FHIT: variants seen among roughly 807,000 people sequenced by gnomAD.
FHIT encodes the protein bis(5'-adenosyl)-triphosphatase.
A neutral mutation model predicts 17.9 loss-of-function variants in FHIT; 19 were observed. The ratio of observed to expected loss-of-function variants is 1.06; its 90% CI spans 0.74 to 1.56. The LOEUF (loss-of-function observed/expected upper bound fraction) is 1.56. FHIT is among the 40% of genes most tolerant of loss of function. The pLI is 0.00. For missense variants in FHIT, 248 were observed against 189.2 expected (o/e 1.31, Z -1.82); for synonymous variants, 81 against 69.7 (o/e 1.16, Z -0.81).
chr3:60,269,189 A>G (rs1333981856), intron 5 of FHIT, among the ~76,000 whole-genome samples: 1 of 152,226 alleles, frequency 6.6e-6, no homozygotes, highest in African/African-American at 2.4e-5. Flanking sequence ...TGATTAATTT[A>G]AAACTTTCAA....
At chr3:60,384,276 A>AAG (rs1473600919) in intron 5 of FHIT, among the ~76,000 whole-genome samples, 1 of 152,032 alleles carries the variant, frequency 6.6e-6, no homozygotes, top group Non-Finnish European at 1.5e-5. Context: ...TAAAAAAAAA[A>AAG]AAAAAAATTG....
intron 3 of FHIT, among the ~76,000 whole-genome samples, chr3:61,014,807 A>AAAAAAATTAT (rs1553798839): frequency 2.0e-5 from 1 of 49,102 alleles, no homozygotes; most frequent in African/African-American, 5.4e-5. Flanking sequence ...AAAAAAAAAA[A>AAAAAAATTAT]ATATATATAT....
intron 2 of FHIT, among the ~76,000 whole-genome samples, chr3:61,084,123 C>T (rs1018530630): frequency 3.9e-5 from 6 of 152,160 alleles, no homozygotes; most frequent in Non-Finnish European, 8.8e-5. Context: ...GTTCATTTTT[C>T]CCTGCCCTGA....
chr3:60,489,495 C>T (rs990482870), intron 5 of FHIT, among the ~76,000 whole-genome samples: 2 of 152,118 alleles, frequency 1.3e-5, no homozygotes, highest in African/African-American at 4.8e-5. Context: ...TAGAATCTAG[C>T]TTACAACTGT....
intron 4 of FHIT, among the ~76,000 whole-genome samples, chr3:60,596,543 T>C (rs544729096): frequency 2.0e-5 from 3 of 152,168 alleles, no homozygotes; most frequent in Non-Finnish European, 2.9e-5. Context: ...ACAGACAAGA[T>C]TGAGGCTCCC....
intron 3 of FHIT, among the ~76,000 whole-genome samples, chr3:60,947,654 C>G (rs1258823836): frequency 6.6e-6 from 1 of 152,136 alleles, no homozygotes; most frequent in Non-Finnish European, 1.5e-5. Context: ...CCCACCCAAC[C>G]ACACACACAG....
At chr3:60,765,260 T>G (rs1553721075) in intron 4 of FHIT, among the ~76,000 whole-genome samples, 2 of 152,202 alleles carry the variant, frequency 1.3e-5, no homozygotes, top group African/African-American at 2.4e-5. Context: ...CTCAAGTGTC[T>G]TTCTACTACA....
At chr3:60,016,625 C>G (rs1373309786) in intron 5 of FHIT, among the ~76,000 whole-genome samples, 1 of 152,198 alleles carries the variant, frequency 6.6e-6, no homozygotes, top group Non-Finnish European at 1.5e-5. Context: ...CATTACAACA[C>G]AGAGAGATGA....
At chr3:60,898,915 CCCTT>C (rs1705964346) in intron 3 of FHIT, among the ~76,000 whole-genome samples, 1 of 152,316 alleles carries the variant, frequency 6.6e-6, no homozygotes, top group East Asian at 1.9e-4. Context: ...AAATAATTCT[CCCTT>C]GTCAGTTTCT....
chr3:59,961,868 A>C (rs1258240469), intron 7 of FHIT, among the ~76,000 whole-genome samples: 3 of 151,458 alleles, frequency 2.0e-5, no homozygotes, highest in Admixed American at 1.3e-4. Context: ...GGCCATCTTG[A>C]CAGCCACCAC....
At chr3:60,400,051 T>A (rs1192478697) in intron 5 of FHIT, among the ~76,000 whole-genome samples, 2 of 152,114 alleles carry the variant, frequency 1.3e-5, no homozygotes, top group African/African-American at 4.8e-5. Flanking sequence ...CTAAGCCGGG[T>A]GCTCTATGGG....
intron 8 of FHIT, among the ~76,000 whole-genome samples, chr3:59,779,298 G>C (rs1400653936): frequency 1.3e-5 from 2 of 152,124 alleles, no homozygotes; most frequent in African/African-American, 2.4e-5. Flanking sequence ...AAGAGAGAGA[G>C]TTGTTCTGGA....
chr3:59,898,984 T>C (rs562766804), intron 8 of FHIT, among the ~76,000 whole-genome samples: 161 of 152,264 alleles, frequency 1.1e-3, no homozygotes, highest in Middle Eastern at 0.01. Flanking sequence ...AGGGGCAAGC[T>C]GAAAACAAAC....
chr3:59,802,247 G>T (rs1481571757), intron 8 of FHIT, among the ~76,000 whole-genome samples: 1 of 152,092 alleles, frequency 6.6e-6, no homozygotes, highest in Non-Finnish European at 1.5e-5. Flanking sequence ...TGTAGCCAAA[G>T]CGTCTGCCCT....
At chr3:60,881,444 C>T (rs915338803) in intron 3 of FHIT, among the ~76,000 whole-genome samples, 2 of 152,152 alleles carry the variant, frequency 1.3e-5, no homozygotes, top group Non-Finnish European at 2.9e-5. Flanking sequence ...ACCTAGCAGA[C>T]ATTTACAGAA....
chr3:60,276,311 A>G (rs79489580), intron 5 of FHIT, among the ~76,000 whole-genome samples: 13,765 of 152,198 alleles, frequency 0.09, 779 homozygotes, highest in Non-Finnish European at 0.13. Context: ...TTATACTACA[A>G]TGTTTCCTTC....
intron 5 of FHIT, among the ~76,000 whole-genome samples, chr3:60,164,523 A>T (rs1701074648): frequency 6.6e-6 from 1 of 152,190 alleles, no homozygotes; most frequent in Admixed American, 6.5e-5. Flanking sequence ...GACACAGAAG[A>T]CATTACAGAG....
intron 1 of FHIT, among the ~76,000 whole-genome samples, chr3:61,213,411 G>T (rs1314707163): frequency 1.3e-5 from 2 of 152,156 alleles, no homozygotes; most frequent in African/African-American, 4.8e-5. Flanking sequence ...GAGAAAGAAG[G>T]CCATTACGTA....
chr3:61,206,812 T>C (rs1275052235), intron 1 of FHIT, among the ~76,000 whole-genome samples: 1 of 152,204 alleles, frequency 6.6e-6, no homozygotes, highest in East Asian at 1.9e-4. Context: ...CCCTTTATTT[T>C]CTTCTCCTGC....
Sources: gnomAD v4.1 joint callset for allele counts (sites outside exome capture counted in the v4.1 genomes callset) on GRCh38, gnomAD v4.1.1 for gene constraint, MANE v1.5 for transcripts, NCBI Gene and HGNC (gene_info 2026-07-23, HGNC 2026-07-21) for gene names.